MAK: variants seen among roughly 807,000 people sequenced by gnomAD.
MAK encodes serine/threonine-protein kinase MAK.
Under a neutral mutation model 82.6 loss-of-function variants are expected in MAK, and 65 were observed. The observed-to-expected ratio is 0.79, with a 90% CI of 0.64 to 0.97. The LOEUF is 0.97. MAK is among the 50% of genes least tolerant of loss of function. MAK has a pLI of 0.00. For missense variants in MAK, 703 were observed against 780.2 expected (o/e 0.90, Z 1.18); for synonymous variants, 250 against 274.2 (o/e 0.91, Z 0.87).
chr6:10,829,974 T>C (rs1200989428), intron 2 of MAK, among the ~76,000 whole-genome samples: 13 of 151,788 alleles, frequency 8.6e-5, no homozygotes, highest in African/African-American at 3.1e-4. Flanking sequence ...GTAGCTGGGA[T>C]TACATGTGTG....
At chr6:10,769,983 AAG>A (rs1772845275) in intron 14 of MAK, 126 bp downstream of exon 14, 2 of 1,555,238 alleles carry the variant, frequency 1.3e-6, no homozygotes, top group African/African-American at 1.4e-5. Flanking sequence ...TAAAAACAAA[AAG>A]AAATGCGTTA....
chr6:10,826,497 T>C (rs1329830641), intron 2 of MAK: 2 of 152,206 alleles, frequency 1.3e-5, no homozygotes, highest in East Asian at 1.9e-4. Context: ...AAATGAATTT[T>C]TCAATTTTCT....
At chr6:10,772,887 A>G in intron 13 of MAK, 147 bp downstream of exon 13, 1 of 519,514 alleles carries the variant, frequency 1.9e-6, no homozygotes, top group Non-Finnish European at 3.4e-6. Flanking sequence ...GATGAGACAG[A>G]ATGCTTTTCT....
At chr6:10,787,274 A>G (rs1172444995) in intron 10 of MAK, among the ~76,000 whole-genome samples, 3 of 152,256 alleles carry the variant, frequency 2.0e-5, no homozygotes, top group Non-Finnish European at 2.9e-5. Context: ...TTCAGCTCCT[A>G]TTCACAAATC....
chr6:10,788,408 C>T (rs1397022226), intron 10 of MAK, among the ~76,000 whole-genome samples: 1 of 151,942 alleles, frequency 6.6e-6, no homozygotes. Context: ...TAAAATTTAG[C>T]TGAAATCAGA....
chr6:10,800,035 G>A lies in MAK; in HGVS notation c.831+1857C>T, dbSNP rs761583560. 8.0e-5 allele frequency among the ~76,000 whole-genome samples: 12 copies of A among 150,484 alleles called. No individual in the cohort carries two copies. Among genetic ancestry groups the A allele is most frequent in the Non-Finnish European group, 1.5e-4 (10 of 67,654 alleles). ...TGCACTCCAGCCTGGGCGATGGAGC[G>A]AGACTCCGTTTCAAAAACAAAAACA... On this transcript the variant is annotated intron_variant, in intron 8 of 14. Coordinates refer to ENST00000354489, the MANE Select transcript of MAK (RefSeq NM_001242957.3). This position sits in a 1 kb window ranked among gnomAD's most constrained non-coding sequence, Gnocchi z 4.2.
At chr6:10,791,548 T>C (rs1775084983) in intron 10 of MAK, 127 bp downstream of exon 10, 2 of 835,858 alleles carry the variant, frequency 2.4e-6, no homozygotes, top group African/African-American at 3.4e-5. Flanking sequence ...ATTACAGGCC[T>C]GAGCCACTAC....
At chr6:10,765,592 T>C (rs1772359629) in intron 14 of MAK, among the ~76,000 whole-genome samples, 1 of 151,986 alleles carries the variant, frequency 6.6e-6, no homozygotes, top group Non-Finnish European at 1.5e-5. Flanking sequence ...TCTGAGCAGC[T>C]GGGATTACAG....
chr6:10,837,313 A>G (rs1419783742), intron 1 of MAK, among the ~76,000 whole-genome samples: 2 of 152,242 alleles, frequency 1.3e-5, no homozygotes, highest in Admixed American at 6.5e-5. Context: ...GAAAACAAAG[A>G]CTGTATCTTA....
chr6:10,801,530 A>G (rs1233324655), intron 8 of MAK, among the ~76,000 whole-genome samples: 1 of 152,224 alleles, frequency 6.6e-6, no homozygotes, highest in East Asian at 1.9e-4. Context: ...CAGCATAGGA[A>G]AGTCTACTAT....
At chr6:10,815,943 T>TAA (rs1777463660) in intron 4 of MAK, among the ~76,000 whole-genome samples, 1 of 141,698 alleles carries the variant, frequency 7.1e-6, no homozygotes, top group African/African-American at 2.8e-5. Flanking sequence ...TATATATATA[T>TAA]ATATGTATGT....
At chr6:10,780,995 C>T (rs1179020761) in intron 11 of MAK, among the ~76,000 whole-genome samples, 1 of 152,124 alleles carries the variant, frequency 6.6e-6, no homozygotes, top group Non-Finnish European at 1.5e-5. Flanking sequence ...GGTCTTGATC[C>T]CAACTCCTCT....
At chr6:10,821,375 A>C (rs1777928461) in intron 2 of MAK, among the ~76,000 whole-genome samples, 1 of 152,194 alleles carries the variant, frequency 6.6e-6, no homozygotes, top group South Asian at 2.1e-4. Context: ...TCCCAGGTTC[A>C]AGCGATTCTC....
Position 10,830,653 on chromosome 6 carries a change from G to C in MAK, c.-5C>G, listed in dbSNP as rs1468420116. The stretch of plus-strand genomic sequence containing the variant: ...CATGGTTGTGTATCGGTTCATCTTG[G>C]AAAAATAATGCAGCAGAAGTTGTTG... On this transcript the variant is annotated 5_prime_UTR_variant, in exon 2 of 15. Coordinates refer to ENST00000354489, the MANE Select transcript of MAK (RefSeq NM_001242957.3). 6.2e-7 allele frequency: 1 copy of C among 1,604,260 alleles called. No homozygotes were observed. The highest frequency in any genetic ancestry group is 8.5e-7 in the Non-Finnish European group (1 of 1,171,040).
Position 10,813,114 on chromosome 6 carries a change from ATATATATATATATATATATAAATTTTT to A in MAK, c.358+503_358+529del, listed in dbSNP as rs1777122411. On this transcript the variant is annotated intron_variant, in intron 5 of 14. Transcript: ENST00000354489. Reference sequence around the variant, plus strand: ...TATATATATATATATATATATATATATATATATATATATATATATAAATTTTTTTTTTTTTTTTTTTTTTTTTTTTTT... The same window carrying A: ...TATATATATATATATATATATATATATTTTTTTTTTTTTTTTTTTTTTTTT... Among the ~76,000 whole-genome samples, 6 of 6,108 alleles carry A rather than the reference ATATATATATATATATATATAAATTTTT, an allele frequency of 9.8e-4. 1 individual carries two copies. The highest frequency in any genetic ancestry group is 1.5e-3 in the African/African-American group (6 of 3,988). The allele number at this position is 6,108 out of a possible 152,430, so 4.0% of individuals were successfully genotyped here. A position where few individuals can be genotyped will look rare whatever the true frequency, so the allele number is the denominator to read the frequency against.
At chr6:10,795,523 A>G (rs1441202559) in intron 9 of MAK, among the ~76,000 whole-genome samples, 1 of 152,182 alleles carries the variant, frequency 6.6e-6, no homozygotes, top group African/African-American at 2.4e-5. Flanking sequence ...CGGGTGTATC[A>G]CTTGCAGTCA....
In MAK at chr6:10,830,710, T is replaced by G; in HGVS notation, c.-62A>C. 1.6e-6 allele frequency: 2 copies of G among 1,281,018 alleles called. No homozygotes were observed. The highest frequency in any genetic ancestry group is 1.1e-6 in the Non-Finnish European group (1 of 876,558). 79.4% of individuals were successfully genotyped at this position (1,281,018 alleles called of 1,614,324 possible). ...ATGACTTCCTTGTTGAATATAAATT[T>G]GAACGCTTCTTAATTTTTATTTGCT... On this transcript the variant is annotated 5_prime_UTR_variant, in exon 2 of 15. Transcript: ENST00000354489.
chr6:10,811,493 G>A (rs556102628), intron 5 of MAK, among the ~76,000 whole-genome samples: 3 of 152,234 alleles, frequency 2.0e-5, no homozygotes, highest in East Asian at 3.9e-4. Context: ...AATCGTAATC[G>A]AACTTCCTCC....
chr6:10,819,046 A>T (rs1013242265), intron 2 of MAK, 106 bp from the exon 3 acceptor site: 8 of 715,464 alleles, frequency 1.1e-5, no homozygotes, highest in Non-Finnish European at 1.5e-5. Context: ...TGGGCGAGCT[A>T]TCTTTCTCTG....
Sources: allele counts gnomAD v4.1 joint callset (sites outside exome capture counted in the v4.1 genomes callset), GRCh38; gene constraint gnomAD v4.1.1; non-coding constraint Gnocchi (gnomAD v3.1); transcripts MANE v1.5; gene names NCBI Gene and HGNC (gene_info 2026-07-23, HGNC 2026-07-21).